Variants in EMILIN2 observed in about 807,000 individuals in gnomAD.
The protein encoded by EMILIN2 is EMILIN-2.
A neutral mutation model predicts 87.1 loss-of-function variants in EMILIN2; 71 were observed. The ratio of observed to expected loss-of-function variants is 0.82; its 90% CI spans 0.67 to 0.99. The LOEUF is 0.99. EMILIN2 is among the 50% of genes least tolerant of loss of function. The pLI is 0.00. For synonymous variants in EMILIN2, 581 were observed against 563.4 expected, an observed-to-expected ratio of 1.03 and a Z score of -0.44; for missense variants, 1,407 against 1,371.8, an observed-to-expected ratio of 1.03 and a Z score of -0.40.
At chr18:2,867,203 G>A (rs966598988) in intron 2 of EMILIN2, among the ~76,000 whole-genome samples, 6 of 152,050 alleles carry the variant, frequency 3.9e-5, no homozygotes, top group Non-Finnish European at 8.8e-5. Flanking sequence ...GAGGATACTG[G>A]CTTTATAGAA....
At chr18:2,856,126 G>T (rs1017479141) in intron 2 of EMILIN2, among the ~76,000 whole-genome samples, 1 of 152,138 alleles carries the variant, frequency 6.6e-6, no homozygotes, top group African/African-American at 2.4e-5. Context: ...TGTAATTCCA[G>T]CTACTCGGGA....
intron 2 of EMILIN2, among the ~76,000 whole-genome samples, chr18:2,872,620 A>T (rs906557552): frequency 6.6e-6 from 1 of 152,222 alleles, no homozygotes; most frequent in South Asian, 2.1e-4. Context: ...TAATGATGTA[A>T]ATTGTAATGT....
At chr18:2,896,337 A>T (rs2076863610) in intron 4 of EMILIN2, among the ~76,000 whole-genome samples, 1 of 151,880 alleles carries the variant, frequency 6.6e-6, no homozygotes, top group Non-Finnish European at 1.5e-5. Flanking sequence ...CACCACATCC[A>T]GCTAATTTTT....
chr18:2,847,272 C>A lies in EMILIN2; in HGVS notation c.84C>A (p.Cys28Ter). The A allele has an allele frequency of 7.6e-7, 1 of 1,316,454 alleles. No homozygotes were observed. The highest frequency in any genetic ancestry group is 9.7e-7 in the Non-Finnish European group (1 of 1,036,170). The allele number at this position is 1,316,454 out of a possible 1,614,324, so 81.5% of individuals were successfully genotyped here. Reference protein sequence around the residue: ...ALLALVGAGLCHAGPQPGYPA... With the variant: ...ALLALVGAGL ...TGGCCCTGGTTGGCGCGGGGCTGTG[C>A]CACGCCGGCCCGCAGCCCGGGTATC... The change falls in exon 1 of 8, where the codon TGC (cysteine) becomes TGA (stop). Residue 28 changes from cysteine (C) to a stop codon, truncating the protein, a stop_gained. Coordinates refer to ENST00000254528, the MANE Select transcript of EMILIN2 (RefSeq NM_032048.3). LOFTEE classifies it high-confidence loss of function. The surrounding 1 kb of genome is among the most constrained non-coding windows in gnomAD (Gnocchi z 4.5).
intron 4 of EMILIN2, chr18:2,906,501 G>T (rs1236538952): frequency 3.2e-5 from 10 of 313,394 alleles, no homozygotes; most frequent in African/African-American, 2.2e-4. Flanking sequence ...TGATGCCGGA[G>T]CCAAGAGTGA....
At chr18:2,858,989 C>A (rs2076646875) in intron 2 of EMILIN2, among the ~76,000 whole-genome samples, 1 of 152,096 alleles carries the variant, frequency 6.6e-6, no homozygotes, top group Non-Finnish European at 1.5e-5. Context: ...TGGGTTGGTT[C>A]CACATTTTTG....
chr18:2,850,209 G>A (rs546158609), intron 2 of EMILIN2, among the ~76,000 whole-genome samples: 1 of 151,464 alleles, frequency 6.6e-6, no homozygotes, highest in East Asian at 1.9e-4. Flanking sequence ...CAAAGTGCTA[G>A]GATTACAAGC....
rs749893470 is a variant in EMILIN2 at position 2,890,698 on chromosome 18, G to C, written c.571G>C (p.Val191Leu). 3 of 1,614,032 alleles carry C rather than the reference G, an allele frequency of 1.9e-6. No individual in the cohort carries two copies. Among genetic ancestry groups the C allele is most frequent in the African/African-American group, 2.7e-5 (2 of 74,906 alleles). ...GAAGATACAGGTGCTAGAGGAGAAG[G>C]TTCTTCGACTCACAAGGACGGTTCT... ...EKKIQVLEEK[V>L]LRLTRTVLDL... is the part of the protein sequence containing the mutation. Residue 191 changes from valine (V) to leucine (L), a missense_variant, in exon 4 of 8, where the codon GTT becomes CTT. Coordinates refer to ENST00000254528, the MANE Select transcript of EMILIN2 (RefSeq NM_032048.3). The surrounding 1 kb of genome is among the most constrained non-coding windows in gnomAD (Gnocchi z 4.7).
intron 4 of EMILIN2, among the ~76,000 whole-genome samples, chr18:2,898,116 C>A (rs2076872042): frequency 6.6e-6 from 1 of 152,202 alleles, no homozygotes; most frequent in East Asian, 1.9e-4. Context: ...CAGCAGGCAT[C>A]CTCTTTTGTT....
At chr18:2,909,410 G>GCACATA (rs1452528152) in intron 6 of EMILIN2, among the ~76,000 whole-genome samples, 2 of 151,854 alleles carry the variant, frequency 1.3e-5, no homozygotes, top group South Asian at 2.1e-4. Context: ...ACACTCACAC[G>GCACATA]CACATACACA....
chr18:2,896,247 C>T (rs575549794), intron 4 of EMILIN2, among the ~76,000 whole-genome samples: 1 of 152,194 alleles, frequency 6.6e-6, no homozygotes, highest in East Asian at 1.9e-4. Context: ...GTGATCTTGG[C>T]TCACTGCAAC....
rs182873377 is a variant in EMILIN2 at position 2,876,715 on chromosome 18, A to G, written c.258-8249A>G. ...CGGGAGGCGGAGCTTGCAGTGAGCC[A>G]AGATAGTGCCACTGCACTCCAGCCT... On this transcript the variant is annotated intron_variant, in intron 2 of 7. Transcript: ENST00000254528. 4.9e-3 allele frequency among the ~76,000 whole-genome samples: 743 copies of G among 152,006 alleles called. 10 individuals are homozygous for G. The highest frequency in any genetic ancestry group is 0.017 in the African/African-American group (697 of 41,466).
Position 2,893,000 on chromosome 18 carries a change from C to T in EMILIN2, c.2359+514C>T, listed in dbSNP as rs2076846711. ...CTGGGAGGCAGAGGTTAAGGTGAGC[C>T]GAGATTGCATCACTGCACTCCAGCC... On this transcript the variant is annotated intron_variant, in intron 4 of 7. Transcript: ENST00000254528. 1.3e-5 allele frequency among the ~76,000 whole-genome samples: 2 copies of T among 151,858 alleles called. 1 individual carries two copies. Among genetic ancestry groups the T allele is most frequent in the South Asian group, 4.2e-4 (2 of 4,808 alleles).
At chr18:2,902,319 G>A (rs2076891363) in intron 4 of EMILIN2, among the ~76,000 whole-genome samples, 1 of 152,148 alleles carries the variant, frequency 6.6e-6, no homozygotes, top group African/African-American at 2.4e-5. Context: ...CTAGGCCCTG[G>A]GGATGGCAGA....
chr18:2,903,216 G>A (rs2076896047), intron 4 of EMILIN2, among the ~76,000 whole-genome samples: 1 of 152,086 alleles, frequency 6.6e-6, no homozygotes, highest in Non-Finnish European at 1.5e-5. Flanking sequence ...CGTGTGCCCT[G>A]GGAGGCAGGC....
chr18:2,878,497 GA>G (rs879432468), intron 2 of EMILIN2, among the ~76,000 whole-genome samples: 189 of 139,818 alleles, frequency 1.4e-3, no homozygotes, highest in African/African-American at 3.6e-3. Flanking sequence ...CTCAAGGAAG[GA>G]AAAAAAAAAA....
At chr18:2,889,137 T>TTC (rs1555668465) in intron 3 of EMILIN2, among the ~76,000 whole-genome samples, 1 of 121,912 alleles carries the variant, frequency 8.2e-6, no homozygotes. Context: ...TCTTTTCTTT[T>TTC]TTTTTTTTTT....
In EMILIN2 at chr18:2,868,287, G is replaced by C. The variant is rs188915546; in HGVS notation, c.258-16677G>C. Reference sequence around the variant, plus strand: ...CTCACTTCCTAGATGGGATGGCGGCGGGGAAGAGGCGCTCCTCACTTTCCA... The same window carrying C: ...CTCACTTCCTAGATGGGATGGCGGCCGGGAAGAGGCGCTCCTCACTTTCCA... On this transcript the variant is annotated intron_variant, in intron 2 of 7. Transcript: ENST00000254528. Among the ~76,000 whole-genome samples the C allele has an allele frequency of 3.8e-3, 581 of 151,374 alleles. 5 individuals are homozygous for C. Among genetic ancestry groups the C allele is most frequent in the African/African-American group, 0.013 (546 of 41,230 alleles).
At chr18:2,869,768 C>CTG (rs137882349) in intron 2 of EMILIN2, among the ~76,000 whole-genome samples, 147 of 143,970 alleles carry the variant, frequency 1.0e-3, no homozygotes, top group Middle Eastern at 6.9e-3. Flanking sequence ...ATAGATTCCT[C>CTG]TGTGTGTGTG....
Sources: allele counts gnomAD v4.1 joint callset (sites outside exome capture counted in the v4.1 genomes callset), GRCh38; gene constraint gnomAD v4.1.1; non-coding constraint Gnocchi (gnomAD v3.1); transcripts MANE v1.5; gene names NCBI Gene and HGNC (gene_info 2026-07-23, HGNC 2026-07-21).